The following NTRK2 variants were observed in gnomAD, a reference collection of about 807,000 sequenced individuals.
NTRK2 encodes the protein BDNF/NT-3 growth factors receptor.
In NTRK2, 13 loss-of-function variants were observed where a neutral mutation model predicts 94.5. The ratio of observed to expected loss-of-function variants is 0.14; its 90% CI spans 0.09 to 0.22. NTRK2 has a LOEUF of 0.22. Ranked by LOEUF, NTRK2 falls within the 10% of genes least tolerant of loss-of-function variation. The pLI is 1.00. For synonymous variants in NTRK2, 372 were observed against 407.4 expected, an observed-to-expected ratio of 0.91 and a Z score of 1.05; for missense variants, 639 against 1,071.2, an observed-to-expected ratio of 0.60 and a Z score of 5.63.
At chr9:84,827,485 C>T (rs1212298108) in intron 12 of NTRK2, among the ~76,000 whole-genome samples, 1 of 152,110 alleles carries the variant, frequency 6.6e-6, no homozygotes, top group Non-Finnish European at 1.5e-5. Context: ...AAATCATCTG[C>T]TTTTTAAAGA....
chr9:84,739,433 T>A (rs1473723092), intron 9 of NTRK2, among the ~76,000 whole-genome samples: 1 of 152,236 alleles, frequency 6.6e-6, no homozygotes, highest in Non-Finnish European at 1.5e-5. Context: ...TAACATTTGT[T>A]ACAGTGAATA....
intron 17 of NTRK2, among the ~76,000 whole-genome samples, chr9:84,968,314 G>C (rs946095979): frequency 6.6e-6 from 1 of 152,142 alleles, no homozygotes; most frequent in Non-Finnish European, 1.5e-5. Context: ...GGTGGGCAAG[G>C]GTCGCCTGGT....
Position 85,021,595 on chromosome 9 carries a change from G to A in NTRK2, c.*158G>A. On this transcript the variant is annotated 3_prime_UTR_variant, in exon 19 of 19. Coordinates refer to ENST00000277120, the MANE Select transcript of NTRK2 (RefSeq NM_006180.6). ...GAGAAGCTCTCGAGGGAAGCAGTGT[G>A]TACTTCTTCATCCATAGACACAGTA... The A allele has an allele frequency of 1.4e-6, 1 of 732,908 alleles. No individual in the cohort carries two copies. Among genetic ancestry groups the A allele is most frequent in the Non-Finnish European group, 2.4e-6 (1 of 410,536 alleles). The allele number at this position is 732,908 out of a possible 1,614,324, so 45.4% of individuals were successfully genotyped here.
chr9:84,724,242 CA>C lies in NTRK2; in HGVS notation c.740del (p.Gln247ArgfsTer4). 6.2e-7 allele frequency: 1 copy of C among 1,614,136 alleles called. No individual in the cohort carries two copies. The highest frequency in any genetic ancestry group is 8.5e-7 in the Non-Finnish European group (1 of 1,179,964). On this transcript the variant is annotated frameshift_variant, in exon 8 of 19. Coordinates refer to ENST00000277120, the MANE Select transcript of NTRK2 (RefSeq NM_006180.6). LOFTEE classifies it high-confidence loss of function. ...SKHMNETSHT[Q>X]GSLRITNISS... is the part of the protein sequence containing the mutation. ...TTTGTAGAATGAAACAAGCCACACA[CA>C]GGGCTCCTTAAGGATAACTAACATT...
chr9:84,931,625 T>A (rs1192762973), intron 14 of NTRK2, among the ~76,000 whole-genome samples: 2 of 151,022 alleles, frequency 1.3e-5, no homozygotes, highest in Non-Finnish European at 2.9e-5. Context: ...TTGGAAATAA[T>A]GAAATTGTGG....
chr9:84,738,936 G>A (rs1245616683), intron 9 of NTRK2, among the ~76,000 whole-genome samples: 1 of 152,180 alleles, frequency 6.6e-6, no homozygotes, highest in Non-Finnish European at 1.5e-5. Context: ...TTTTCACAAA[G>A]TTTAGATATG....
chr9:84,858,732 G>C (rs2075187591), intron 12 of NTRK2, among the ~76,000 whole-genome samples: 1 of 151,158 alleles, frequency 6.6e-6, no homozygotes, highest in Non-Finnish European at 1.5e-5. Flanking sequence ...TTTGAAGACT[G>C]TTCTGCCTGA....
chr9:84,811,123 G>A, intron 12 of NTRK2: 1 of 1,066,812 alleles, frequency 9.4e-7, no homozygotes, highest in Non-Finnish European at 1.1e-6. Context: ...ATAACACAGT[G>A]ACTAAAAGAG....
Position 84,707,866 on chromosome 9 carries a change from A to C in NTRK2, c.382A>C (p.Thr128Pro), listed in dbSNP as rs1317048518. 1 of 1,613,120 alleles carries C rather than the reference A, an allele frequency of 6.2e-7. No homozygotes were observed. The highest frequency in any genetic ancestry group is 8.5e-7 in the Non-Finnish European group (1 of 1,179,374). ...CAGCAATTTTACCCGAAACAAACTG[A>C]CGAGTTTGTCTAGGAAACATTTCCG... ...QHINFTRNKL[T>P]SLSRKHFRHL... Residue 128 changes from threonine to proline, a missense_variant, in exon 5 of 19, where the codon ACG becomes CCG. By Grantham distance (38) the Thr-to-Pro change is conservative (BLOSUM62 -1). This residue lies in a region of NTRK2 where 206 missense variants were observed against 251.5 expected (regional missense o/e 0.82). Coordinates refer to ENST00000277120, the MANE Select transcript of NTRK2 (RefSeq NM_006180.6).
intron 12 of NTRK2, among the ~76,000 whole-genome samples, chr9:84,837,365 C>G (rs1587602378): frequency 6.6e-6 from 1 of 152,158 alleles, no homozygotes; most frequent in Non-Finnish European, 1.5e-5. Context: ...GATCTAAGTC[C>G]TAATTCTGCC....
At position 84,888,982 on chromosome 9, in the gene NTRK2, ATTTT is replaced by A. The variant is rs71369159; in HGVS notation, c.1633+21574_1633+21577del. On this transcript the variant is annotated intron_variant, in intron 14 of 18. Transcript: ENST00000277120. ...TCCCCATTATTTATTAATGACAGAA[ATTTT>A]TTTTTTTTTTTTTTTTTTTTTTGAG... Among the ~76,000 whole-genome samples the A allele has an allele frequency of 2.1e-3, 217 of 101,698 alleles. 46 individuals are homozygous for A. The highest frequency in any genetic ancestry group is 8.2e-3 in the African/African-American group (206 of 25,008). The allele number at this position is 101,698 out of a possible 152,430, so 66.7% of individuals were successfully genotyped here.
intron 4 of NTRK2, among the ~76,000 whole-genome samples, chr9:84,705,782 CTTT>C (rs36124860): frequency 4.6e-5 from 5 of 109,616 alleles, no homozygotes; most frequent in Admixed American, 2.1e-4. Flanking sequence ...GAAACCCATT[CTTT>C]TTTTTTTTTT....
intron 12 of NTRK2, among the ~76,000 whole-genome samples, chr9:84,764,875 C>T (rs1160936342): frequency 6.6e-6 from 1 of 152,078 alleles, no homozygotes; most frequent in South Asian, 2.1e-4. Flanking sequence ...TACTATTCAG[C>T]CATAAAAAGG....
At chr9:84,959,288 T>G (rs942856538) in intron 17 of NTRK2, among the ~76,000 whole-genome samples, 6 of 152,192 alleles carry the variant, frequency 3.9e-5, no homozygotes, top group African/African-American at 1.4e-4. Flanking sequence ...GGGTTTTTTT[T>G]GTTTGTTTTT....
In NTRK2 at chr9:84,873,116, C is replaced by T. The variant is rs79197324; in HGVS notation, c.1633+5685C>T. The T allele has an allele frequency of 1.3e-3, 1,416 of 1,064,208 alleles. 31 individuals are homozygous for T. The Admixed American group carries it at 0.04, about 30-fold the overall frequency. The allele number at this position is 1,064,208 out of a possible 1,614,324, so 65.9% of individuals were successfully genotyped here. ...GATTATCTGCAGACTTCAGTGCAATCGAATGACCATGGTCCATTTTGATGG... is the reference window on the plus strand; with the variant it reads ...GATTATCTGCAGACTTCAGTGCAATTGAATGACCATGGTCCATTTTGATGG... On this transcript the variant is annotated intron_variant, in intron 14 of 18. Coordinates refer to ENST00000277120, the MANE Select transcript of NTRK2 (RefSeq NM_006180.6).
rs200828099 is a variant in NTRK2, at chr9:84,702,244, A to G, written c.287+11A>G. ...GGGACTGAGAAATCTGTGAGTACTC[A>G]GGACCAGGGCACATTATCTCAGAGA... is the stretch of plus-strand genomic sequence containing the variant. On this transcript the variant is annotated intron_variant, in intron 3 of 18. Coordinates refer to ENST00000277120, the MANE Select transcript of NTRK2 (RefSeq NM_006180.6). 4.1e-5 allele frequency: 66 copies of G among 1,613,716 alleles called. No individual in the cohort carries two copies. The highest frequency in any genetic ancestry group is 4.7e-5 in the Non-Finnish European group (55 of 1,179,664).
chr9:84,714,250 A>G (rs1400027502), intron 6 of NTRK2, among the ~76,000 whole-genome samples: 1 of 152,038 alleles, frequency 6.6e-6, no homozygotes, highest in Non-Finnish European at 1.5e-5. Flanking sequence ...GCCCTTCTCC[A>G]TACGGGGTTT....
chr9:84,705,341 T>A (rs1425358918), intron 4 of NTRK2, among the ~76,000 whole-genome samples: 2 of 152,170 alleles, frequency 1.3e-5, no homozygotes, highest in Non-Finnish European at 2.9e-5. Context: ...TATTTGTGTT[T>A]TCCAGGGACT....
intron 14 of NTRK2, among the ~76,000 whole-genome samples, chr9:84,931,832 A>T (rs1316257813): frequency 1.3e-5 from 2 of 152,104 alleles, no homozygotes; most frequent in Admixed American, 1.3e-4. Flanking sequence ...CCAGGGAGTT[A>T]AATATTAGAT....
Sources: gnomAD v4.1 joint callset for allele counts (sites outside exome capture counted in the v4.1 genomes callset) on GRCh38, gnomAD v4.1.1 for gene constraint, gnomAD v4.1.1 regional missense constraint, MANE v1.5 for transcripts, NCBI Gene and HGNC (gene_info 2026-07-23, HGNC 2026-07-21) for gene names.